The following MANBA variants were observed in gnomAD, a reference collection of about 807,000 sequenced individuals.
MANBA encodes the protein beta-mannosidase.
In MANBA, 83 loss-of-function variants were observed where a neutral mutation model predicts 111.1. The ratio of observed to expected loss-of-function variants is 0.75; its 90% confidence interval spans 0.63 to 0.90. The LOEUF (loss-of-function observed/expected upper bound fraction) is 0.90. Among genes scored for constraint, MANBA ranks in the 40% least tolerant of loss-of-function variants. The pLI, the probability that MANBA is intolerant of heterozygous loss-of-function variation, is 0.00. For synonymous variants in MANBA, 370 were observed against 378.7 expected, an observed-to-expected ratio of 0.98 and a Z score of 0.27; for missense variants, 1,036 against 1,069.0, an observed-to-expected ratio of 0.97 and a Z score of 0.43.
At position 102,645,995 on chromosome 4, in the gene MANBA, C is replaced by T. The variant is rs751206135; in HGVS notation, c.1869+4542G>A. Among the ~76,000 whole-genome samples, 3 of 152,130 alleles carry T rather than the reference C, an allele frequency of 2.0e-5. No homozygotes were observed. The South Asian group carries it at 6.2e-4, about 32-fold the overall frequency. Reference sequence around the variant, plus strand: ...ATATTACAGTTTAAAAAGCAGAAACCCTACTCCATTCATTGCCCTGAGTCC... The same window carrying T: ...ATATTACAGTTTAAAAAGCAGAAACTCTACTCCATTCATTGCCCTGAGTCC... On this transcript the variant is annotated intron_variant, in intron 13 of 16. Transcript: ENST00000647097.
chr4:102,672,155 A>G (rs764895187), intron 8 of MANBA: 4 of 398,500 alleles, frequency 1.0e-5, no homozygotes, highest in Non-Finnish European at 1.8e-5. Context: ...ATCTAAAATA[A>G]TATACACATT....
intron 4 of MANBA, among the ~76,000 whole-genome samples, chr4:102,716,399 T>C (rs964596964): frequency 6.6e-6 from 1 of 151,670 alleles, no homozygotes; most frequent in Non-Finnish European, 1.5e-5. Flanking sequence ...CTGGCTAAAC[T>C]TGCCAACCTC....
Position 102,760,805 on chromosome 4 carries a change from G to T in MANBA, c.90C>A (p.Ser30Arg). The T allele has an allele frequency of 6.4e-7, 1 of 1,560,116 alleles. No individual in the cohort carries two copies. Residue 30 changes from serine to arginine, a missense_variant, in exon 1 of 17, where the codon AGC (serine) becomes AGA (arginine). Ser to Arg is a moderately radical substitution (Grantham distance 110). Transcript: ENST00000647097. ...ELSYSLRGNW[S>R]ICNGNGSLEL... ...CCAGCGAGCCGTTCCCATTGCAGATGCTCCAGTTGCCACGCAAGCTGTAAC... is the reference window on the plus strand; with the variant it reads ...CCAGCGAGCCGTTCCCATTGCAGATTCTCCAGTTGCCACGCAAGCTGTAAC...
chr4:102,714,679 T>G, intron 4 of MANBA, 118 bp from the exon 5 acceptor site: 1 of 961,616 alleles, frequency 1.0e-6, no homozygotes, highest in Non-Finnish European at 1.6e-6. Context: ...ATGGCAGCCA[T>G]AACAAAGTAT....
intron 1 of MANBA, chr4:102,730,101 G>C (rs546024033): frequency 9.6e-7 from 1 of 1,038,292 alleles, no homozygotes; most frequent in South Asian, 1.6e-5. Flanking sequence ...ACTTGTGTAG[G>C]AGTGGCTGCT....
intron 13 of MANBA, 96 bp downstream of exon 13, chr4:102,650,441 C>A: frequency 8.0e-7 from 1 of 1,254,402 alleles, no homozygotes; most frequent in Non-Finnish European, 1.2e-6. Context: ...GGAATGAAAA[C>A]CTGAATATTT....
At chr4:102,756,125 T>C (rs1168227452) in intron 1 of MANBA, among the ~76,000 whole-genome samples, 1 of 152,200 alleles carries the variant, frequency 6.6e-6, no homozygotes, top group East Asian at 1.9e-4. Flanking sequence ...CATCACTGGG[T>C]ATATACCCAA....
chr4:102,689,356 AAAAATAT>A (rs1315794056), intron 7 of MANBA, among the ~76,000 whole-genome samples: 83 of 107,910 alleles, frequency 7.7e-4, no homozygotes, highest in African/African-American at 3.0e-3. Flanking sequence ...CTCAAAAAAA[AAAAATAT>A]ATATATATAT....
At chr4:102,635,645 AAG>A (rs1729591633) in intron 15 of MANBA, among the ~76,000 whole-genome samples, 1 of 152,192 alleles carries the variant, frequency 6.6e-6, no homozygotes, top group Admixed American at 6.5e-5. Flanking sequence ...ATCCTGTAAG[AAG>A]AGAGACTGGT....
chr4:102,662,657 G>A, intron 11 of MANBA: 1 of 158,936 alleles, frequency 6.3e-6, no homozygotes, highest in South Asian at 1.6e-4. Context: ...TATTCTCTAG[G>A]CCTTTTAGAA....
At position 102,760,825 on chromosome 4, in the gene MANBA, T is replaced by C; in HGVS notation, c.70A>G (p.Ser24Gly). 6.4e-7 allele frequency: 1 copy of C among 1,568,036 alleles called. No individual in the cohort carries two copies. Among genetic ancestry groups the C allele is most frequent in the Non-Finnish European group, 8.6e-7 (1 of 1,156,662 alleles). Residue 24 changes from serine to glycine, a missense_variant, in exon 1 of 17, where the codon AGC becomes GGC. By Grantham distance (56) the Ser-to-Gly change is moderately conservative (BLOSUM62 0). Coordinates refer to ENST00000647097, the MANE Select transcript of MANBA (RefSeq NM_005908.4). Reference sequence around the variant, plus strand: ...CAGATGCTCCAGTTGCCACGCAAGCTGTAACTGAGCTCCGCGGCGGTGGTG... The same window carrying C: ...CAGATGCTCCAGTTGCCACGCAAGCCGTAACTGAGCTCCGCGGCGGTGGTG... The part of the protein sequence containing the change: ...AGTTAAELSY[S>G]LRGNWSICNG...
intron 5 of MANBA, among the ~76,000 whole-genome samples, chr4:102,710,208 G>C (rs879541110): frequency 1.3e-5 from 2 of 151,982 alleles, no homozygotes; most frequent in Non-Finnish European, 2.9e-5. Flanking sequence ...TTGGAAAAGA[G>C]GAAGTAAAAT....
At chr4:102,704,308 C>G (rs1031144502) in intron 5 of MANBA, among the ~76,000 whole-genome samples, 4 of 152,152 alleles carry the variant, frequency 2.6e-5, no homozygotes, top group Middle Eastern at 3.4e-3. Context: ...CCTCCGAATA[C>G]TTGGGACTAC....
chr4:102,733,127 A>C (rs1723088541), intron 1 of MANBA, among the ~76,000 whole-genome samples: 1 of 152,214 alleles, frequency 6.6e-6, no homozygotes, highest in Non-Finnish European at 1.5e-5. Context: ...TATGATTTCA[A>C]CTATATGTCA....
At chr4:102,759,441 T>C (rs920593464) in intron 1 of MANBA, among the ~76,000 whole-genome samples, 4 of 152,182 alleles carry the variant, frequency 2.6e-5, no homozygotes, top group African/African-American at 9.7e-5. Flanking sequence ...CTGTGTTCTC[T>C]ATCACAAGTA....
intron 2 of MANBA, among the ~76,000 whole-genome samples, chr4:102,725,942 T>C (rs1722776234): frequency 6.6e-6 from 1 of 152,072 alleles, no homozygotes. Context: ...AGGGGGAAAA[T>C]CAATTGGATA....
intron 14 of MANBA, 81 bp downstream of exon 14, chr4:102,639,632 C>G: frequency 6.3e-7 from 1 of 1,575,288 alleles, no homozygotes; most frequent in Non-Finnish European, 8.7e-7. Flanking sequence ...TAATCTGACC[C>G]CTCCAGCACT....
chr4:102,719,057 A>T (rs573869970), intron 4 of MANBA, among the ~76,000 whole-genome samples: 1 of 152,312 alleles, frequency 6.6e-6, no homozygotes, highest in South Asian at 2.1e-4. Context: ...AGAGCAGAGA[A>T]TCAGTCTGAC....
At chr4:102,744,407 G>A (rs1212517135) in intron 1 of MANBA, among the ~76,000 whole-genome samples, 1 of 152,196 alleles carries the variant, frequency 6.6e-6, no homozygotes, top group African/African-American at 2.4e-5. Flanking sequence ...GTGATACCTT[G>A]TGGAAGCGAA....
Sources: allele counts gnomAD v4.1 joint callset (sites outside exome capture counted in the v4.1 genomes callset), GRCh38; gene constraint gnomAD v4.1.1; transcripts MANE v1.5; gene names NCBI Gene and HGNC (gene_info 2026-07-23, HGNC 2026-07-21).